Variants in KATNIP observed in about 807,000 individuals in gnomAD.
KATNIP encodes katanin interacting protein.
A neutral mutation model predicts 174.0 loss-of-function variants in KATNIP; 126 were observed. The observed-to-expected ratio is 0.72, with a 90% CI of 0.63 to 0.84. KATNIP has a LOEUF of 0.84. Among genes scored for constraint, KATNIP ranks in the 40% least tolerant of loss-of-function variants. The pLI is 0.00. For synonymous variants in KATNIP, 810 were observed against 835.7 expected (o/e 0.97, Z 0.53); for missense variants, 1,958 against 2,109.7 (o/e 0.93, Z 1.41).
intron 21 of KATNIP, among the ~76,000 whole-genome samples, chr16:27,771,274 C>G (rs1315557195): frequency 6.6e-6 from 1 of 152,194 alleles, no homozygotes; most frequent in East Asian, 1.9e-4. Flanking sequence ...TCTCCGTGTT[C>G]CAGTTTCCTC....
At chr16:27,720,864 C>T (rs775428619) in intron 13 of KATNIP, among the ~76,000 whole-genome samples, 4 of 152,176 alleles carry the variant, frequency 2.6e-5, no homozygotes, top group South Asian at 2.1e-4. Context: ...CAAGAGGAGG[C>T]GGCTGGGGCT....
At chr16:27,654,284 T>G (rs1352411917) in intron 6 of KATNIP, among the ~76,000 whole-genome samples, 1 of 152,182 alleles carries the variant, frequency 6.6e-6, no homozygotes, top group Non-Finnish European at 1.5e-5. Flanking sequence ...CCTCCCATTT[T>G]TTAAAAAAAC....
At chr16:27,673,518 G>A (rs77730610) in intron 6 of KATNIP, among the ~76,000 whole-genome samples, 3,343 of 152,298 alleles carry the variant, frequency 0.022, 138 homozygotes, top group African/African-American at 0.077. Context: ...AAACACCAGT[G>A]GTGAACCCGC....
At chr16:27,705,483 C>G (rs542229817) in intron 12 of KATNIP, among the ~76,000 whole-genome samples, 1 of 152,034 alleles carries the variant, frequency 6.6e-6, no homozygotes. Flanking sequence ...CTTAAGCTGT[C>G]TGGTCCTGGC....
At chr16:27,775,316 C>G (rs947877817) in intron 24 of KATNIP, among the ~76,000 whole-genome samples, 2 of 152,180 alleles carry the variant, frequency 1.3e-5, no homozygotes, top group African/African-American at 4.8e-5. Context: ...GAAAGGGGTC[C>G]CATGGGAATC....
chr16:27,656,738 A>G (rs1237957452), intron 6 of KATNIP, among the ~76,000 whole-genome samples: 1 of 141,046 alleles, frequency 7.1e-6, no homozygotes, highest in African/African-American at 2.6e-5. Context: ...GAATTGAACA[A>G]TGAGATCACA....
At chr16:27,762,383 A>T (rs1396287062) in intron 19 of KATNIP, among the ~76,000 whole-genome samples, 2 of 152,230 alleles carry the variant, frequency 1.3e-5, no homozygotes, top group East Asian at 3.8e-4. Context: ...TATGCGAAGC[A>T]GGTGACACAT....
At chr16:27,554,170 A>C (rs2089512182) in intron 1 of KATNIP, among the ~76,000 whole-genome samples, 1 of 152,130 alleles carries the variant, frequency 6.6e-6, no homozygotes, top group Non-Finnish European at 1.5e-5. Context: ...TCATAAGTAC[A>C]AATGTCAACA....
intron 3 of KATNIP, among the ~76,000 whole-genome samples, chr16:27,625,457 GA>G (rs1387534670): frequency 6.6e-6 from 1 of 152,226 alleles, no homozygotes; most frequent in Non-Finnish European, 1.5e-5. Context: ...CCTGGAGACT[GA>G]CGGTGCCTAC....
chr16:27,564,210 G>C (rs953921692), intron 1 of KATNIP, among the ~76,000 whole-genome samples: 1 of 152,164 alleles, frequency 6.6e-6, no homozygotes, highest in African/African-American at 2.4e-5. Context: ...GCAGTTTATG[G>C]GAACTAATAA....
intron 14 of KATNIP, among the ~76,000 whole-genome samples, chr16:27,725,419 T>C (rs1174864450): frequency 6.6e-6 from 1 of 152,176 alleles, no homozygotes; most frequent in Non-Finnish European, 1.5e-5. Flanking sequence ...TTCTGGTTCA[T>C]CGAGGAAAGG....
At chr16:27,680,003 C>T (rs1203086945) in intron 7 of KATNIP, among the ~76,000 whole-genome samples, 1 of 152,120 alleles carries the variant, frequency 6.6e-6, no homozygotes, top group Non-Finnish European at 1.5e-5. Flanking sequence ...GCTTATTCCA[C>T]AAAGCCTTCT....
rs2080726344 is a variant in KATNIP, at chr16:27,732,353, C to A, written c.1744-7688C>A. Among the ~76,000 whole-genome samples the A allele has an allele frequency of 2.0e-5, 3 of 152,188 alleles. No homozygotes were observed. In the South Asian group the frequency reaches 6.2e-4, roughly 32 times the overall value. Reference sequence around the variant, plus strand: ...CAGAGAATGGTGTTCATTGGCCTTCCTCCCAAGGGACACGTAAAAGACCAT... The same window carrying A: ...CAGAGAATGGTGTTCATTGGCCTTCATCCCAAGGGACACGTAAAAGACCAT... On this transcript the variant is annotated intron_variant, in intron 14 of 27. Transcript: ENST00000261588.
At chr16:27,730,884 A>T (rs953460406) in intron 14 of KATNIP, among the ~76,000 whole-genome samples, 1 of 152,174 alleles carries the variant, frequency 6.6e-6, no homozygotes, top group South Asian at 2.1e-4. Context: ...TAATGACAAC[A>T]TTTGGAAATT....
intron 1 of KATNIP, among the ~76,000 whole-genome samples, chr16:27,562,879 CA>C (rs1284812163): frequency 6.6e-6 from 1 of 152,222 alleles, no homozygotes; most frequent in African/African-American, 2.4e-5. Context: ...TATTTCGTTT[CA>C]CCATCCCAGA....
chr16:27,619,089 T>G (rs1261451580), intron 3 of KATNIP, among the ~76,000 whole-genome samples: 10 of 152,200 alleles, frequency 6.6e-5, no homozygotes, highest in Non-Finnish European at 1.5e-5. Context: ...CTGAGGAAGT[T>G]CATTTTCAGT....
rs1224254789 is a variant in KATNIP, at chr16:27,637,949, G to A, written c.408+6787G>A. Among the ~76,000 whole-genome samples the A allele has an allele frequency of 6.6e-6, 1 of 152,194 alleles. No individual in the cohort carries two copies. The highest frequency in any genetic ancestry group is 1.9e-4 in the East Asian group (1 of 5,192). Reference sequence around the variant, plus strand: ...CGTCTCTCTCCACCAACCTTCCCCAGCCCCCGTCCTTGCACTTCTGTTCCC... The same window carrying A: ...CGTCTCTCTCCACCAACCTTCCCCAACCCCCGTCCTTGCACTTCTGTTCCC... On this transcript the variant is annotated intron_variant, in intron 5 of 27. Transcript: ENST00000261588. This position sits in a 1 kb window ranked among gnomAD's most constrained non-coding sequence, Gnocchi z 4.7.
chr16:27,629,353 A>G (rs2076423429), intron 4 of KATNIP, among the ~76,000 whole-genome samples: 1 of 152,182 alleles, frequency 6.6e-6, no homozygotes, highest in Non-Finnish European at 1.5e-5. Context: ...AAAGCAGTAA[A>G]TTTCTAGCTT....
chr16:27,659,171 C>A (rs150433826), intron 6 of KATNIP, among the ~76,000 whole-genome samples: 2,578 of 152,164 alleles, frequency 0.017, 27 homozygotes, highest in Non-Finnish European at 0.027. Flanking sequence ...CATATATTTT[C>A]AAAATATTTA....
Sources: allele counts gnomAD v4.1 joint callset (sites outside exome capture counted in the v4.1 genomes callset), GRCh38; gene constraint gnomAD v4.1.1; non-coding constraint Gnocchi (gnomAD v3.1); transcripts MANE v1.5; gene names NCBI Gene and HGNC (gene_info 2026-07-23, HGNC 2026-07-21).